Variants in ICAM5 observed in about 807,000 individuals in gnomAD.
ICAM5 encodes intercellular adhesion molecule 5.
ICAM5 carries 38 observed loss-of-function variants against 78.8 expected under a neutral mutation model. The observed-to-expected ratio is 0.48, with a 90% CI of 0.37 to 0.63. ICAM5 has a LOEUF of 0.63. Ranked by LOEUF, ICAM5 falls within the 30% of genes least tolerant of loss-of-function variation. The pLI is 0.00. For synonymous variants in ICAM5, 544 were observed against 590.9 expected (o/e 0.92, Z 1.15); for missense variants, 1,059 against 1,303.0 (o/e 0.81, Z 2.88).
At position 10,291,585 on chromosome 19, in the gene ICAM5, G is replaced by T; in HGVS notation, c.449G>T (p.Arg150Leu). Residue 150 changes from arginine (R) to leucine (L), a missense_variant, in exon 3 of 11, where the codon CGT becomes CTT. By Grantham distance (102) the Arg-to-Leu change is moderately radical. Coordinates refer to ENST00000221980, the MANE Select transcript of ICAM5 (RefSeq NM_003259.4). ...LSCRVPGAGP[R>L]ASLTLTLLRG... Reference sequence around the variant, plus strand: ...TGTAGGGTCCCCGGCGCCGGGCCCCGTGCGAGCCTCACGCTGACCCTGCTG... The same window carrying T: ...TGTAGGGTCCCCGGCGCCGGGCCCCTTGCGAGCCTCACGCTGACCCTGCTG... 1 of 1,612,296 alleles carries T rather than the reference G, an allele frequency of 6.2e-7. No homozygotes were observed. Among genetic ancestry groups the T allele is most frequent in the Non-Finnish European group, 8.5e-7 (1 of 1,179,864 alleles).
chr19:10,290,008 G>T lies in ICAM5; in HGVS notation c.-36G>T. The stretch of plus-strand genomic sequence containing the variant: ...CCTCTAGCCCAGCTCCTCGGCTCGC[G>T]CTCTCCTCGCCTCCTGTGCTTTCCC... On this transcript the variant is annotated 5_prime_UTR_variant, in exon 1 of 11. Transcript: ENST00000221980. This position sits in a 1 kb window ranked among gnomAD's most constrained non-coding sequence, Gnocchi z 5.7. 1 of 1,520,418 alleles carries T rather than the reference G, an allele frequency of 6.6e-7. No homozygotes were observed. Among genetic ancestry groups the T allele is most frequent in the South Asian group, 1.2e-5 (1 of 82,730 alleles). The allele number at this position is 1,520,418 out of a possible 1,614,324, so 94.2% of individuals were successfully genotyped here. A position where few individuals can be genotyped will look rare whatever the true frequency, so the allele number is the denominator to read the frequency against.
chr19:10,296,508 C>T lies in ICAM5; in HGVS notation c.2667C>T (p.Gly889=), dbSNP rs1316726985. 3 of 1,222,000 alleles carry T rather than the reference C, an allele frequency of 2.5e-6. No homozygotes were observed. Among genetic ancestry groups the T allele is most frequent in the Admixed American group, 4.3e-5 (1 of 23,322 alleles). The allele number at this position is 1,222,000 out of a possible 1,614,324, so 75.7% of individuals were successfully genotyped here. The change falls in exon 11 of 11, where the codon GGC becomes GGT. Residue 889 remains glycine, a synonymous_variant. Coordinates refer to ENST00000221980, the MANE Select transcript of ICAM5 (RefSeq NM_003259.4). ...GEAVCLNGAG[G]GAGGAAGAEG... The stretch of plus-strand genomic sequence containing the variant: ...CCGTGTGTCTGAACGGAGCGGGCGG[C>T]GGCGCTGGCGGGGCGGCAGGCGCGG...
intron 4 of ICAM5, 100 bp downstream of exon 4, chr19:10,292,422 G>A: frequency 7.1e-7 from 1 of 1,400,840 alleles, no homozygotes; most frequent in Non-Finnish European, 9.6e-7. Context: ...GAACAGGCGT[G>A]GCCCGAGGGG....
Position 10,296,556 on chromosome 19 carries a change from G to A in ICAM5, c.2715G>A (p.Gly905=). ...AGAEGGPEAA[G]GAAESPAEGE... Reference sequence around the variant, plus strand: ...CGGAGGGCGGACCCGAGGCGGCGGGGGGCGCGGCCGAGTCGCCGGCGGAGG... The same window carrying A: ...CGGAGGGCGGACCCGAGGCGGCGGGAGGCGCGGCCGAGTCGCCGGCGGAGG... The change falls in exon 11 of 11, where the codon GGG becomes GGA. Residue 905 remains glycine, a synonymous_variant. Transcript: ENST00000221980. 2 of 1,220,196 alleles carry A rather than the reference G, an allele frequency of 1.6e-6. No individual in the cohort carries two copies. Among genetic ancestry groups the A allele is most frequent in the Non-Finnish European group, 2.1e-6 (2 of 972,680 alleles). 75.6% of individuals were successfully genotyped at this position (1,220,196 alleles called of 1,614,324 possible).
intron 9 of ICAM5, 61 bp from the exon 10 acceptor site, chr19:10,295,285 A>T: frequency 6.9e-7 from 1 of 1,450,702 alleles, no homozygotes; most frequent in Non-Finnish European, 9.0e-7. Flanking sequence ...GGGCCGGAGC[A>T]GGGCATTTGA....
chr19:10,293,219 GT>G lies in ICAM5; in HGVS notation c.1439del (p.Val480AlafsTer4). The G allele has an allele frequency of 6.3e-7, 1 of 1,595,468 alleles. No homozygotes were observed. The highest frequency in any genetic ancestry group is 1.1e-5 in the South Asian group (1 of 88,760). On this transcript the variant is annotated frameshift_variant, in exon 6 of 11. Transcript: ENST00000221980. LOFTEE classifies it high-confidence loss of function. This position sits in a 1 kb window ranked among gnomAD's most constrained non-coding sequence, Gnocchi z 5.0. ...GGCGGCCAATGATCAAGGCGAGGCG[GT>G]CAAGGACGTAACGCTAACGGTGGAG... ...CKAANDQGEA[V>X]KDVTLTVEYA...
In ICAM5 at chr19:10,291,192, A is replaced by T. The variant is rs1463219037; in HGVS notation, c.203A>T (p.Glu68Val). 2.5e-6 allele frequency: 4 copies of T among 1,612,180 alleles called. No homozygotes were observed. The highest frequency in any genetic ancestry group is 2.5e-6 in the Non-Finnish European group (3 of 1,179,874). The stretch of plus-strand genomic sequence containing the variant: ...CCTCGGCCGGAGCGCGGTGGCCTGG[A>T]GACCTCGCTGCGCCGAAACGGGACC... ...NCPRPERGGL[E>V]TSLRRNGTQR... Residue 68 changes from glutamate (E) to valine (V), a missense_variant, in exon 2 of 11, where the codon GAG (glutamate) becomes GTG (valine). Around this residue, in one of 3 missense-constraint regions of ICAM5, gnomAD observed 815 missense variants for 952.8 expected, o/e 0.86. Coordinates refer to ENST00000221980, the MANE Select transcript of ICAM5 (RefSeq NM_003259.4).
At position 10,290,422 on chromosome 19, in the gene ICAM5, G is replaced by C. The variant is rs2075741; in HGVS notation, c.82+297G>C. 142,882 of 368,464 alleles carry C rather than the reference G, an allele frequency of 0.39. 30,073 individuals are homozygous for C. The highest frequency in any genetic ancestry group is 0.51 in the Admixed American group (11,815 of 23,062). 22.8% of individuals were successfully genotyped at this position (368,464 alleles called of 1,614,324 possible). A position where few individuals can be genotyped will look rare whatever the true frequency, so the allele number is the denominator to read the frequency against. On this transcript the variant is annotated intron_variant, in intron 1 of 10. Coordinates refer to ENST00000221980, the MANE Select transcript of ICAM5 (RefSeq NM_003259.4). The surrounding 1 kb of genome is among the most constrained non-coding windows in gnomAD (Gnocchi z 5.7). ...CGCTCCCCGGGTACCTCCTTACGCTGTGCTGTGCACCATGGTCCACGGACT... is the reference window on the plus strand; with the variant it reads ...CGCTCCCCGGGTACCTCCTTACGCTCTGCTGTGCACCATGGTCCACGGACT...
Position 10,292,165 on chromosome 19 carries a change from C to T in ICAM5, c.804C>T (p.Asp268=), listed in dbSNP as rs2040178723. The T allele has an allele frequency of 6.2e-7, 1 of 1,613,264 alleles. No individual in the cohort carries two copies. The highest frequency in any genetic ancestry group is 1.7e-5 in the Admixed American group (1 of 60,000). Residue 268 remains aspartate (D), a synonymous_variant, in exon 4 of 11, where the codon GAC becomes GAT. Transcript: ENST00000221980. The part of the protein sequence containing the change: ...SEARVYLALG[D]QNLSPDVTLE... ...CCAGGGTCTACCTCGCACTGGGGGA[C>T]CAGAATCTGAGTCCTGATGTCACCC... is the stretch of plus-strand genomic sequence containing the variant.
rs1449911145 is a variant in ICAM5 at position 10,296,501 on chromosome 19, C to T, written c.2660C>T (p.Ala887Val). Residue 887 changes from alanine (A) to valine (V), a missense_variant, in exon 11 of 11, where the codon GCG (alanine) becomes GTG (valine). Physicochemically the swap from Ala to Val is moderately conservative, Grantham distance 64. This residue lies in a region of ICAM5 where 109 missense variants were observed against 120.0 expected (regional missense o/e 0.91). Coordinates refer to ENST00000221980, the MANE Select transcript of ICAM5 (RefSeq NM_003259.4). The part of the protein sequence containing the change: ...SSGEAVCLNG[A>V]GGGAGGAAGA... Reference sequence around the variant, plus strand: ...GGCGAGGCCGTGTGTCTGAACGGAGCGGGCGGCGGCGCTGGCGGGGCGGCA... The same window carrying T: ...GGCGAGGCCGTGTGTCTGAACGGAGTGGGCGGCGGCGCTGGCGGGGCGGCA... 1.6e-6 allele frequency: 2 copies of T among 1,230,126 alleles called. No homozygotes were observed. Among genetic ancestry groups the T allele is most frequent in the Non-Finnish European group, 2.1e-6 (2 of 970,280 alleles). 76.2% of individuals were successfully genotyped at this position (1,230,126 alleles called of 1,614,324 possible). A position where few individuals can be genotyped will look rare whatever the true frequency, so the allele number is the denominator to read the frequency against.
rs11575074 is a variant in ICAM5 at position 10,290,444 on chromosome 19, G to A, written c.82+319G>A. ...GCTGTGCTGTGCACCATGGTCCACG[G>A]ACTGGCATCTTCCCCACTCGCGGTC... On this transcript the variant is annotated intron_variant, in intron 1 of 10. Transcript: ENST00000221980. The surrounding 1 kb of genome is among the most constrained non-coding windows in gnomAD (Gnocchi z 5.7). 17,576 of 310,242 alleles carry A rather than the reference G, an allele frequency of 0.057. 562 individuals are homozygous for A. The highest frequency in any genetic ancestry group is 0.11 in the South Asian group (1,077 of 10,076). 19.2% of individuals were successfully genotyped at this position (310,242 alleles called of 1,614,324 possible).
chr19:10,296,318 G>C (rs960397018), intron 10 of ICAM5, 21 bp from the exon 11 acceptor site: 1 of 1,229,530 alleles, frequency 8.1e-7, no homozygotes. Context: ...GCCACCCTCC[G>C]CGAGGGTCTC....
chr19:10,295,576 G>C lies in ICAM5; in HGVS notation c.2461G>C (p.Gly821Arg), dbSNP rs1216766505. The C allele has an allele frequency of 6.5e-7, 1 of 1,544,590 alleles. No individual in the cohort carries two copies. Among genetic ancestry groups the C allele is most frequent in the African/African-American group, 1.4e-5 (1 of 73,008 alleles). The change falls in exon 10 of 11, where the codon GGG becomes CGG. Residue 821 changes from glycine (G) to arginine (R), a missense_variant. By Grantham distance (125) the Gly-to-Arg change is moderately radical (BLOSUM62 -2). Around this residue, in one of 3 missense-constraint regions of ICAM5, gnomAD observed 135 missense variants for 230.2 expected, o/e 0.59. Transcript: ENST00000221980. ...CGAGTGCGCAGCCACCAACGCGCAC[G>C]GGCGCCACGCGCGGCGCATCACGGT... ...EYECAATNAH[G>R]RHARRITVRV...
Position 10,294,670 on chromosome 19 carries a change from A to T in ICAM5, c.2230+30A>T, listed in dbSNP as rs766385840. The T allele has an allele frequency of 9.9e-6, 16 of 1,611,614 alleles. No homozygotes were observed. The highest frequency in any genetic ancestry group is 3.3e-4 in the Middle Eastern group (2 of 6,062). On this transcript the variant is annotated intron_variant, in intron 9 of 10. Coordinates refer to ENST00000221980, the MANE Select transcript of ICAM5 (RefSeq NM_003259.4). This position sits in a 1 kb window ranked among gnomAD's most constrained non-coding sequence, Gnocchi z 7.7. ...GTGGGGGCAGCACCGGATGGAGGGG[A>T]CACGGTCCTCGGAAGAATGACTCGC...
In ICAM5 at chr19:10,290,907, G is replaced by T; in HGVS notation, c.83-165G>T. ...CTCGAGGTTTAGACTCTGGGAGTGC[G>T]CCTTTAAACCGGAGGCCTGGGCAGG... On this transcript the variant is annotated intron_variant, in intron 1 of 10. Coordinates refer to ENST00000221980, the MANE Select transcript of ICAM5 (RefSeq NM_003259.4). The surrounding 1 kb of genome is among the most constrained non-coding windows in gnomAD (Gnocchi z 5.7). 1 of 825,228 alleles carries T rather than the reference G, an allele frequency of 1.2e-6. No homozygotes were observed. The highest frequency in any genetic ancestry group is 2.7e-5 in the East Asian group (1 of 37,124). 51.1% of individuals were successfully genotyped at this position (825,228 alleles called of 1,614,324 possible). A position where few individuals can be genotyped will look rare whatever the true frequency, so the allele number is the denominator to read the frequency against.
chr19:10,292,319 T>C lies in ICAM5; in HGVS notation c.958T>C (p.Tyr320His). 6.3e-7 allele frequency: 1 copy of C among 1,596,488 alleles called. No individual in the cohort carries two copies. Among genetic ancestry groups the C allele is most frequent in the Non-Finnish European group, 8.5e-7 (1 of 1,173,084 alleles). ...GGAGACCCGGGAGAACGTGACCATC[T>C]ACAGTAAGGAAGGAGGCGGGGTCTC... is the stretch of plus-strand genomic sequence containing the variant. Reference protein sequence around the residue: ...NRETRENVTIYSFPAPLLTLS... With the variant: ...NRETRENVTIHSFPAPLLTLS... The change falls in exon 4 of 11, where the codon TAC becomes CAC. Residue 320 changes from tyrosine (Y) to histidine (H), a missense_variant. Physicochemically the swap from Tyr to His is moderately conservative, Grantham distance 83. Coordinates refer to ENST00000221980, the MANE Select transcript of ICAM5 (RefSeq NM_003259.4).
rs2040162968 is a variant in ICAM5, at chr19:10,290,542, C to A, written c.82+417C>A. 2 of 211,340 alleles carry A rather than the reference C, an allele frequency of 9.5e-6. No individual in the cohort carries two copies. Among genetic ancestry groups the A allele is most frequent in the Non-Finnish European group, 1.9e-5 (2 of 106,148 alleles). 13.1% of individuals were successfully genotyped at this position (211,340 alleles called of 1,614,324 possible). ...CCGCTCCACCCAGAGCCCTGGCAAC[C>A]GGGTCCCTCAGCTGTTCCCGCGGTT... On this transcript the variant is annotated intron_variant, in intron 1 of 10. Coordinates refer to ENST00000221980, the MANE Select transcript of ICAM5 (RefSeq NM_003259.4). The surrounding 1 kb of genome is among the most constrained non-coding windows in gnomAD (Gnocchi z 5.7).
Position 10,296,392 on chromosome 19 carries a change from G to T in ICAM5, c.2551G>T (p.Ala851Ser). 1 of 1,266,200 alleles carries T rather than the reference G, an allele frequency of 7.9e-7. No individual in the cohort carries two copies. The highest frequency in any genetic ancestry group is 1.0e-6 in the Non-Finnish European group (1 of 997,932). The allele number at this position is 1,266,200 out of a possible 1,614,324, so 78.4% of individuals were successfully genotyped here. Residue 851 changes from alanine (A) to serine (S), a missense_variant, in exon 11 of 11, where the codon GCC (alanine) becomes TCC (serine). Coordinates refer to ENST00000221980, the MANE Select transcript of ICAM5 (RefSeq NM_003259.4). ...CGCGGCGGGGGGCGCGGCGCTGCTG[G>T]CCGCGGGGGCCGGCCTGGCCTTCTA... is the stretch of plus-strand genomic sequence containing the variant. ...GGAAGGAALL[A>S]AGAGLAFYVQ...
Position 10,294,405 on chromosome 19 carries a change from A to G in ICAM5, c.1995A>G (p.Pro665=), listed in dbSNP as rs2040203809. The change falls in exon 9 of 11, where the codon CCA becomes CCG. Residue 665 remains proline (P), a synonymous_variant. Transcript: ENST00000221980. This position sits in a 1 kb window ranked among gnomAD's most constrained non-coding sequence, Gnocchi z 7.7. ...AKTVVVSAES[P]PEMDESTCPS... ...TCCCCCATGGCTGCTTTGCAGCGCCACCGGAGATGGATGAATCTACCTGCC... is the reference window on the plus strand; with the variant it reads ...TCCCCCATGGCTGCTTTGCAGCGCCGCCGGAGATGGATGAATCTACCTGCC... 6.2e-7 allele frequency: 1 copy of G among 1,612,738 alleles called. No homozygotes were observed. Among genetic ancestry groups the G allele is most frequent in the African/African-American group, 1.3e-5 (1 of 75,002 alleles).
Sources: allele counts gnomAD v4.1 joint callset, GRCh38; gene constraint gnomAD v4.1.1; regional missense constraint gnomAD v4.1.1; non-coding constraint Gnocchi (gnomAD v3.1); transcripts MANE v1.5; gene names NCBI Gene and HGNC (gene_info 2026-07-23, HGNC 2026-07-21).